The following NEGR1 variants were observed in gnomAD, a reference collection of about 807,000 sequenced individuals.
NEGR1 encodes the protein IgLON family member 4.
In NEGR1, 10 loss-of-function variants were observed where a neutral mutation model predicts 40.9. The ratio of observed to expected loss-of-function variants is 0.24; its 90% CI spans 0.15 to 0.42. The LOEUF is 0.42. NEGR1 is among the 10% of genes least tolerant of loss of function. NEGR1 has a pLI of 1.00. For synonymous variants in NEGR1, 185 were observed against 166.8 expected (o/e 1.11, Z -0.84); for missense variants, 352 against 438.9 (o/e 0.80, Z 1.77).
chr1:72,003,694 C>A (rs1646578259), intron 1 of NEGR1, among the ~76,000 whole-genome samples: 1 of 151,940 alleles, frequency 6.6e-6, no homozygotes, highest in Non-Finnish European at 1.5e-5. Context: ...ATAAGCATGG[C>A]ATAAAAACGA....
intron 1 of NEGR1, chr1:72,275,303 A>G (rs1254434777): frequency 9.2e-6 from 4 of 435,018 alleles, no homozygotes; most frequent in Admixed American, 3.8e-5. Flanking sequence ...TTAAAACTCA[A>G]TTTGATAATG....
chr1:71,491,815 T>C (rs1646930872), intron 6 of NEGR1, among the ~76,000 whole-genome samples: 1 of 152,134 alleles, frequency 6.6e-6, no homozygotes. Context: ...AATGTGCTTA[T>C]TGGCTTTTTC....
At chr1:71,671,082 T>G (rs1652411599) in intron 4 of NEGR1, among the ~76,000 whole-genome samples, 2 of 152,224 alleles carry the variant, frequency 1.3e-5, no homozygotes, top group African/African-American at 4.8e-5. Flanking sequence ...ATTGTTATAT[T>G]TTTATACTTT....
chr1:72,176,357 A>C (rs1652163914), intron 1 of NEGR1, among the ~76,000 whole-genome samples: 1 of 152,102 alleles, frequency 6.6e-6, no homozygotes, highest in Admixed American at 6.6e-5. Flanking sequence ...CACTGTGCTA[A>C]TGTTTTACCA....
At chr1:71,796,719 C>T (rs1657342011) in intron 2 of NEGR1, among the ~76,000 whole-genome samples, 1 of 152,084 alleles carries the variant, frequency 6.6e-6, no homozygotes, top group Non-Finnish European at 1.5e-5. Flanking sequence ...TCCCTTAAGG[C>T]AGGAGTCATA....
At chr1:71,797,089 G>A (rs1178937891) in intron 2 of NEGR1, among the ~76,000 whole-genome samples, 6 of 152,116 alleles carry the variant, frequency 3.9e-5, no homozygotes, top group Non-Finnish European at 7.4e-5. Flanking sequence ...AAAGACAGAC[G>A]GGAATGCCAA....
At chr1:72,211,616 A>C (rs902998598) in intron 1 of NEGR1, among the ~76,000 whole-genome samples, 1 of 150,436 alleles carries the variant, frequency 6.6e-6, no homozygotes, top group Non-Finnish European at 1.5e-5. Context: ...TTAAATATAT[A>C]TATTATTTTT....
chr1:72,202,776 G>A (rs1339911187), intron 1 of NEGR1, among the ~76,000 whole-genome samples: 1 of 151,998 alleles, frequency 6.6e-6, no homozygotes, highest in African/African-American at 2.4e-5. Flanking sequence ...TGTTAGCTTG[G>A]TGGCTAATGC....
chr1:71,456,255 A>G (rs780636683), intron 6 of NEGR1, among the ~76,000 whole-genome samples: 3 of 152,108 alleles, frequency 2.0e-5, no homozygotes, highest in Non-Finnish European at 4.4e-5. Flanking sequence ...ACTTTAAAAA[A>G]TTTTTTTATG....
At chr1:71,952,461 G>A (rs929300439) in intron 1 of NEGR1, among the ~76,000 whole-genome samples, 2 of 151,950 alleles carry the variant, frequency 1.3e-5, no homozygotes, top group Non-Finnish European at 2.9e-5. Flanking sequence ...AGGTGAGGAA[G>A]CTACAGAAGA....
intron 4 of NEGR1, among the ~76,000 whole-genome samples, chr1:71,679,401 CTT>C (rs1448406516): frequency 2.0e-5 from 3 of 152,084 alleles, no homozygotes; most frequent in South Asian, 2.1e-4. Flanking sequence ...TTTAACATCT[CTT>C]AAATTCATTT....
intron 6 of NEGR1, among the ~76,000 whole-genome samples, chr1:71,487,741 A>ATT (rs35762849): frequency 2.0e-5 from 3 of 149,988 alleles, no homozygotes; most frequent in Non-Finnish European, 3.0e-5. Context: ...CATTCATTAG[A>ATT]TTTTTTTTTT....
At chr1:71,667,057 G>C (rs996667239) in intron 4 of NEGR1, among the ~76,000 whole-genome samples, 5 of 152,108 alleles carry the variant, frequency 3.3e-5, no homozygotes, top group African/African-American at 1.2e-4. Context: ...ATATAATGAA[G>C]TCCATAACAC....
At chr1:71,459,419 T>C (rs1646698575) in intron 6 of NEGR1, among the ~76,000 whole-genome samples, 1 of 152,240 alleles carries the variant, frequency 6.6e-6, no homozygotes, top group Non-Finnish European at 1.5e-5. Context: ...GTTCTAAGTA[T>C]GTCACTTCCA....
At chr1:72,092,130 G>A (rs566044424) in intron 1 of NEGR1, among the ~76,000 whole-genome samples, 1 of 152,180 alleles carries the variant, frequency 6.6e-6, no homozygotes, top group East Asian at 1.9e-4. Context: ...GGGTGGGTGG[G>A]TTCTCTGTTT....
At chr1:72,011,048 T>A (rs1209537236) in intron 1 of NEGR1, among the ~76,000 whole-genome samples, 1 of 151,948 alleles carries the variant, frequency 6.6e-6, no homozygotes, top group South Asian at 2.1e-4. Flanking sequence ...AAGAGAAAAA[T>A]TTAGTACATA....
intron 1 of NEGR1, among the ~76,000 whole-genome samples, chr1:72,127,463 C>CAAAAA (rs56301492): frequency 0.041 from 1,589 of 39,208 alleles, 269 homozygotes; most frequent in Non-Finnish European, 0.046. Flanking sequence ...GGCTCTGTCT[C>CAAAAA]AAAAAAAAAA....
chr1:71,848,600 G>T (rs1203856139), intron 2 of NEGR1, among the ~76,000 whole-genome samples: 1 of 152,170 alleles, frequency 6.6e-6, no homozygotes, highest in African/African-American at 2.4e-5. Context: ...TAAGCCCACT[G>T]TTGAGGCCTA....
At chr1:72,120,903 T>A (rs755726339) in intron 1 of NEGR1, among the ~76,000 whole-genome samples, 2 of 152,072 alleles carry the variant, frequency 1.3e-5, no homozygotes, top group African/African-American at 2.4e-5. Flanking sequence ...TACAATGTTG[T>A]CATATAAAAT....
Sources: gnomAD v4.1 joint callset for allele counts (sites outside exome capture counted in the v4.1 genomes callset) on GRCh38, gnomAD v4.1.1 for gene constraint, MANE v1.5 for transcripts, NCBI Gene and HGNC (gene_info 2026-07-23, HGNC 2026-07-21) for gene names.